The following INTS14 variants were observed in gnomAD, a reference collection of about 807,000 sequenced individuals.
The protein encoded by INTS14 is integrator complex subunit 14.
INTS14 carries 27 observed loss-of-function variants against 56.9 expected under a neutral mutation model. That is an observed-to-expected ratio of 0.47 (90% CI 0.35 to 0.65). INTS14 has a LOEUF of 0.65. Ranked by LOEUF, INTS14 falls within the 30% of genes least tolerant of loss-of-function variation. The pLI is 0.00. For missense variants in INTS14, 517 were observed against 632.2 expected (o/e 0.82, Z 1.95); for synonymous variants, 207 against 236.2 (o/e 0.88, Z 1.13).
Position 65,579,495 on chromosome 15 carries a change from A to G in INTS14, c.1470T>C (p.Ser490=), listed in dbSNP as rs773925803. Residue 490 remains serine (S), a synonymous_variant, in exon 12 of 12, where the codon AGT becomes AGC. Transcript: ENST00000313182. ...AAGCGGCATACTCAGAGGTGCCGGTACTGGCCAGCTTGAGCTGCTGGGCAG... is the reference window on the plus strand; with the variant it reads ...AAGCGGCATACTCAGAGGTGCCGGTGCTGGCCAGCTTGAGCTGCTGGGCAG... ...THAAQQLKLA[S]TGTSEYAAYD... is the part of the protein sequence containing the mutation. The G allele has an allele frequency of 1.9e-6, 3 of 1,614,264 alleles. No individual in the cohort carries two copies. In the Admixed American group the frequency reaches 5.0e-5, roughly 27 times the overall value.
intron 1 of INTS14, among the ~76,000 whole-genome samples, chr15:65,608,547 T>C (rs1388877262): frequency 2.0e-5 from 3 of 152,196 alleles, no homozygotes; most frequent in South Asian, 2.1e-4. Context: ...CATGGGTATA[T>C]AGCCTGCTGC....
intron 5 of INTS14, 88 bp from the exon 6 acceptor site, chr15:65,598,551 A>G (rs1296504853): frequency 1.3e-5 from 18 of 1,358,694 alleles, no homozygotes; most frequent in Non-Finnish European, 1.6e-5. Context: ...TTTTCCTTTC[A>G]AGTTGGTTCC....
chr15:65,591,714 A>C lies in INTS14; in HGVS notation c.1004T>G (p.Met335Arg). The change falls in exon 9 of 12, where the codon ATG (methionine) becomes AGG (arginine). Residue 335 changes from methionine (M) to arginine (R), a missense_variant. Transcript: ENST00000313182. ...CTTGCTGTCAGCTTGGGAGTAGAGC[A>C]TTCCATGCCATTCAGGACTAGATGG... ...IVQLGPEWHG[M>R]LYSQADSKKK... is the part of the protein sequence containing the mutation. 1 of 1,614,140 alleles carries C rather than the reference A, an allele frequency of 6.2e-7. No individual in the cohort carries two copies. The highest frequency in any genetic ancestry group is 8.5e-7 in the Non-Finnish European group (1 of 1,179,990).
At chr15:65,585,373 T>C (rs1371395989) in intron 9 of INTS14, among the ~76,000 whole-genome samples, 1 of 152,190 alleles carries the variant, frequency 6.6e-6, no homozygotes, top group African/African-American at 2.4e-5. Flanking sequence ...AAATTGTACT[T>C]AATTTTAATT....
rs139905468 is a variant in INTS14 at position 65,584,822 on chromosome 15, T to C, written c.1187A>G (p.Lys396Arg). The C allele has an allele frequency of 3.7e-6, 6 of 1,613,538 alleles. No individual in the cohort carries two copies. Among genetic ancestry groups the C allele is most frequent in the Non-Finnish European group, 5.1e-6 (6 of 1,179,788 alleles). The part of the protein sequence containing the change: ...KSPFPLQPKN[K>R]RSYAQNVTVW... ...AGTCACATTCTGGGCATAACTGCGT[T>C]TGTTTTTGGGCTGCAGGGGGAATGG... The change falls in exon 10 of 12, where the codon AAA becomes AGA. Residue 396 changes from lysine to arginine, a missense_variant. By Grantham distance (26) the Lys-to-Arg change is conservative. Transcript: ENST00000313182.
chr15:65,604,429 TGG>T, intron 3 of INTS14, among the ~76,000 whole-genome samples: 2 of 152,048 alleles, frequency 1.3e-5, no homozygotes, highest in African/African-American at 4.8e-5. Flanking sequence ...TCAGTTGAGA[TGG>T]TTAAGTTTGC....
rs1356675119 is a variant in INTS14 at position 65,579,184 on chromosome 15, C to T, written c.*224G>A. On this transcript the variant is annotated 3_prime_UTR_variant, in exon 12 of 12. Transcript: ENST00000313182. ...CATCATGGGAACAGCAGCTATCTTCCAAGCTTAAAAATTATGAATCCCAGG... is the reference window on the plus strand; with the variant it reads ...CATCATGGGAACAGCAGCTATCTTCTAAGCTTAAAAATTATGAATCCCAGG... The T allele has an allele frequency of 3.6e-6, 2 of 551,662 alleles. No individual in the cohort carries two copies. The highest frequency in any genetic ancestry group is 6.9e-5 in the Admixed American group (2 of 28,840). The allele number at this position is 551,662 out of a possible 1,614,324, so 34.2% of individuals were successfully genotyped here.
chr15:65,579,803 A>G, intron 11 of INTS14, 144 bp from the exon 12 acceptor site: 1 of 1,283,262 alleles, frequency 7.8e-7, no homozygotes, highest in Non-Finnish European at 1.0e-6. Context: ...TAGGGATGCC[A>G]GTAACAAGAA....
At chr15:65,598,504 A>G in intron 5 of INTS14, 41 bp from the exon 6 acceptor site, 1 of 1,580,216 alleles carries the variant, frequency 6.3e-7, no homozygotes, top group Non-Finnish European at 8.6e-7. Context: ...GAGTAATACG[A>G]TACATATGAA....
intron 1 of INTS14, among the ~76,000 whole-genome samples, chr15:65,607,828 ATT>A (rs898627584): frequency 2.0e-5 from 3 of 152,236 alleles, no homozygotes; most frequent in African/African-American, 7.2e-5. Context: ...ACAAACAACC[ATT>A]GTTTTTTGGC....
At chr15:65,610,075 TAA>T (rs58295070) in intron 1 of INTS14, among the ~76,000 whole-genome samples, 1 of 142,448 alleles carries the variant, frequency 7.0e-6, no homozygotes, top group Non-Finnish European at 1.5e-5. Context: ...TAGGCCTGAT[TAA>T]AAAAAAAAAA....
chr15:65,592,030 A>G (rs570431271), intron 8 of INTS14, among the ~76,000 whole-genome samples: 3 of 152,362 alleles, frequency 2.0e-5, no homozygotes, highest in African/African-American at 7.2e-5. Flanking sequence ...AGAGGTGATG[A>G]GGAGGGGTAA....
chr15:65,587,895 T>A (rs893715934), intron 9 of INTS14, among the ~76,000 whole-genome samples: 1 of 152,030 alleles, frequency 6.6e-6, no homozygotes, highest in Non-Finnish European at 1.5e-5. Flanking sequence ...GGTGGGAGGA[T>A]CACCCGAGAG....
chr15:65,606,252 CAAAAA>C (rs372473798), intron 2 of INTS14, among the ~76,000 whole-genome samples: 1 of 62,430 alleles, frequency 1.6e-5, no homozygotes, highest in Non-Finnish European at 3.4e-5. Context: ...GACTCCGTCT[CAAAAA>C]AAAAAAAAAA....
chr15:65,605,083 G>T, intron 3 of INTS14, 46 bp downstream of exon 3: 1 of 1,420,856 alleles, frequency 7.0e-7, no homozygotes, highest in South Asian at 1.1e-5. Flanking sequence ...GCACCTCAGT[G>T]GTTAATGTTG....
chr15:65,588,484 A>G (rs2141264945), intron 9 of INTS14, among the ~76,000 whole-genome samples: 1 of 152,002 alleles, frequency 6.6e-6, no homozygotes, highest in South Asian at 2.1e-4. Context: ...GACCAACAAC[A>G]TGATGAAACC....
rs931696931 is a variant in INTS14 at position 65,579,595 on chromosome 15, G to C, written c.1370C>G (p.Ala457Gly). ...FGFLDLLKGV[A>G]DMLERECTLL... ...TGTGCATTCCCTTTCCAGCATGTCA[G>C]CCACCCCTTTCAGCAGGTCCAGGAA... The change falls in exon 12 of 12, where the codon GCT (alanine) becomes GGT (glycine). Residue 457 changes from alanine (A) to glycine (G), a missense_variant. Coordinates refer to ENST00000313182, the MANE Select transcript of INTS14 (RefSeq NM_001394796.1). 3.7e-6 allele frequency: 6 copies of C among 1,614,182 alleles called. No individual in the cohort carries two copies. The highest frequency in any genetic ancestry group is 3.3e-4 in the Middle Eastern group (2 of 6,062).
At chr15:65,582,800 G>A (rs77511444) in intron 10 of INTS14, among the ~76,000 whole-genome samples, 9,502 of 152,204 alleles carry the variant, frequency 0.062, 309 homozygotes, top group African/African-American at 0.09. Flanking sequence ...TGCAAATCAT[G>A]TATCTGCTAA....
At position 65,607,383 on chromosome 15, in the gene INTS14, T is replaced by A. The variant is rs1262441903; in HGVS notation, c.-3A>T. On this transcript the variant is annotated 5_prime_UTR_variant, in exon 2 of 12. Coordinates refer to ENST00000313182, the MANE Select transcript of INTS14 (RefSeq NM_001394796.1). ...TCCATTACCACCACTGTCGGCATGA[T>A]GAAAATGATCCCAGTGTTCCCAATC... The A allele has an allele frequency of 1.2e-6, 2 of 1,614,138 alleles. No individual in the cohort carries two copies. The highest frequency in any genetic ancestry group is 3.3e-5 in the Admixed American group (2 of 60,012).
Sources: allele counts gnomAD v4.1 joint callset (sites outside exome capture counted in the v4.1 genomes callset), GRCh38; gene constraint gnomAD v4.1.1; transcripts MANE v1.5; gene names NCBI Gene and HGNC (gene_info 2026-07-23, HGNC 2026-07-21).